FRMPD1: variants seen among roughly 807,000 people sequenced by gnomAD.
FRMPD1 encodes FERM and PDZ domain-containing protein 1.
In FRMPD1, 76 loss-of-function variants were observed where a neutral mutation model predicts 117.8. The observed-to-expected ratio is 0.65, with a 90% confidence interval of 0.54 to 0.78. The LOEUF (loss-of-function observed/expected upper bound fraction) is 0.78. Ranked by LOEUF, FRMPD1 falls within the 30% of genes least tolerant of loss-of-function variation. The probability of loss-of-function intolerance (pLI) is 0.00; values close to 1 mark genes in which losing one functional copy is unlikely to be tolerated. For missense variants in FRMPD1, 1,786 were observed against 1,964.5 expected (o/e 0.91, Z 1.72); for synonymous variants, 783 against 770.4 (o/e 1.02, Z -0.27).
chr9:37,737,305 G>A (rs1416523501), intron 14 of FRMPD1, 62 bp downstream of exon 14: 6 of 1,491,278 alleles, frequency 4.0e-6, no homozygotes, highest in African/African-American at 2.8e-5. Context: ...GTAGGTAAGG[G>A]CAGCCTAAAG....
chr9:37,703,904 A>G (rs1445981403), intron 2 of FRMPD1, among the ~76,000 whole-genome samples: 3 of 152,362 alleles, frequency 2.0e-5, no homozygotes, highest in Non-Finnish European at 4.4e-5. Flanking sequence ...CCATGTCATT[A>G]GTTGATGGAC....
chr9:37,701,357 C>T (rs1254871546), intron 2 of FRMPD1, among the ~76,000 whole-genome samples: 1 of 152,002 alleles, frequency 6.6e-6, no homozygotes, highest in African/African-American at 2.4e-5. Context: ...CCAGAGAGGA[C>T]AAGAGACTTT....
At position 37,719,001 on chromosome 9, in the gene FRMPD1, G is replaced by A. The variant is rs554335232; in HGVS notation, c.409-68G>A. On this transcript the variant is annotated intron_variant, in intron 5 of 15. Coordinates refer to ENST00000377765, the MANE Select transcript of FRMPD1 (RefSeq NM_014907.3). Reference sequence around the variant, plus strand: ...ATCAAAGTTTCTGTTTTTAAGAAATGAGAAGATAGATATACCTGGCTTTTA... The same window carrying A: ...ATCAAAGTTTCTGTTTTTAAGAAATAAGAAGATAGATATACCTGGCTTTTA... 56 of 906,646 alleles carry A rather than the reference G, an allele frequency of 6.2e-5. 1 individual carries two copies. The highest frequency in any genetic ancestry group is 4.9e-4 in the African/African-American group (30 of 61,530). The allele number at this position is 906,646 out of a possible 1,614,324, so 56.2% of individuals were successfully genotyped here.
chr9:37,732,237 C>G, intron 9 of FRMPD1, 67 bp from the exon 10 acceptor site: 1 of 1,553,830 alleles, frequency 6.4e-7, no homozygotes, highest in Admixed American at 1.7e-5. Context: ...TGCCTTTCAC[C>G]CGAGAGAACG....
the FRMPD1 span, among the ~76,000 whole-genome samples, chr9:37,610,829 C>A: frequency 6.6e-6 from 1 of 152,054 alleles, no homozygotes; most frequent in Non-Finnish European, 1.5e-5. Context: ...CTCGAACTCC[C>A]AACCTCAGGT....
At chr9:37,739,399 G>C (rs1824278494) in intron 14 of FRMPD1, among the ~76,000 whole-genome samples, 1 of 152,152 alleles carries the variant, frequency 6.6e-6, no homozygotes, top group South Asian at 2.1e-4. Flanking sequence ...GTTTGAGAAA[G>C]ATCACTCTGG....
At chr9:37,661,271 C>T (rs925020572) in intron 1 of FRMPD1, among the ~76,000 whole-genome samples, 8 of 152,010 alleles carry the variant, frequency 5.3e-5, no homozygotes, top group African/African-American at 1.9e-4. Flanking sequence ...GGGGAAGTAC[C>T]CAGGCCTTTG....
At position 37,708,492 on chromosome 9, in the gene FRMPD1, A is replaced by G. The variant is rs775391998; in HGVS notation, c.353A>G (p.Asp118Gly). The part of the protein sequence containing the change: ...AEDLSWERAV[D>G]ILREAEDSLS... Reference sequence around the variant, plus strand: ...GACCTTTCCTGGGAACGAGCAGTCGATATTCTCAGGTACTAAATGGTCTTC... The same window carrying G: ...GACCTTTCCTGGGAACGAGCAGTCGGTATTCTCAGGTACTAAATGGTCTTC... The change falls in exon 4 of 16, where the codon GAT becomes GGT. Residue 118 changes from aspartate (D) to glycine (G), a missense_variant. Physicochemically the swap from Asp to Gly is moderately conservative, Grantham distance 94. Transcript: ENST00000377765. 2.3e-5 allele frequency: 37 copies of G among 1,581,916 alleles called. No homozygotes were observed. The highest frequency in any genetic ancestry group is 3.2e-5 in the Non-Finnish European group (37 of 1,150,510).
chr9:37,650,653 G>A (rs1820638972), upstream of FRMPD1, among the ~76,000 whole-genome samples: 1 of 152,116 alleles, frequency 6.6e-6, no homozygotes, highest in Non-Finnish European at 1.5e-5. Context: ...GTGACCTTGG[G>A]GAGTCCCTTT....
intron 2 of FRMPD1, among the ~76,000 whole-genome samples, chr9:37,697,691 A>G (rs1253591074): frequency 2.0e-5 from 3 of 152,272 alleles, no homozygotes. Context: ...ACACAGTGAC[A>G]TTACATCATA....
chr9:37,715,628 A>C (rs1206961745), intron 5 of FRMPD1: 1 of 456,166 alleles, frequency 2.2e-6, no homozygotes, highest in Non-Finnish European at 4.4e-6. Flanking sequence ...TAGAATAATG[A>C]GTAGCTCATA....
chr9:37,667,691 GA>G lies in FRMPD1; in HGVS notation c.-5+16608del, dbSNP rs3075983. Among the ~76,000 whole-genome samples the G allele has an allele frequency of 1.1e-4, 16 of 144,758 alleles. No homozygotes were observed. The South Asian group carries it at 1.1e-3, about 10-fold the overall frequency. 95.0% of individuals were successfully genotyped at this position (144,758 alleles called of 152,430 possible). ...AGAGGGAGACTCTGTCTCAAAAAAA[GA>G]AAAAAAAAAAGAAGGTTACCCCTGT... On this transcript the variant is annotated intron_variant, in intron 1 of 15. Coordinates refer to ENST00000377765, the MANE Select transcript of FRMPD1 (RefSeq NM_014907.3).
At chr9:37,706,463 T>C (rs1822709474) in intron 2 of FRMPD1, among the ~76,000 whole-genome samples, 1 of 152,184 alleles carries the variant, frequency 6.6e-6, no homozygotes, top group African/African-American at 2.4e-5. Context: ...CTATTACTCC[T>C]TCACATTTCT....
intron 1 of FRMPD1, among the ~76,000 whole-genome samples, chr9:37,651,625 G>C (rs1288337620): frequency 6.6e-6 from 1 of 152,224 alleles, no homozygotes; most frequent in Admixed American, 6.5e-5. Context: ...GGGTCGCGTC[G>C]CTAACTTGCA....
chr9:37,650,426 GT>G (rs1290433284), upstream of FRMPD1, among the ~76,000 whole-genome samples: 1 of 152,262 alleles, frequency 6.6e-6, no homozygotes, highest in East Asian at 1.9e-4. Context: ...CGCGGAAGGA[GT>G]TTACAGAGAC....
chr9:37,690,502 G>A (rs1017859243), intron 1 of FRMPD1, among the ~76,000 whole-genome samples: 2 of 152,126 alleles, frequency 1.3e-5, no homozygotes, highest in Admixed American at 6.5e-5. Flanking sequence ...TTATTGATAA[G>A]TAAGAGTAAA....
chr9:37,682,806 T>C (rs1007173986), intron 1 of FRMPD1, among the ~76,000 whole-genome samples: 6 of 152,208 alleles, frequency 3.9e-5, no homozygotes, highest in African/African-American at 1.4e-4. Flanking sequence ...GGTTATTACT[T>C]ACTGTCAAGG....
At chr9:37,744,120 G>T (rs946559064) in intron 15 of FRMPD1, among the ~76,000 whole-genome samples, 1 of 151,922 alleles carries the variant, frequency 6.6e-6, no homozygotes, top group African/African-American at 2.4e-5. Context: ...AACCTGGGAG[G>T]CAGAGGTTGC....
In FRMPD1 at chr9:37,740,038, G is replaced by A. The variant is rs780145388; in HGVS notation, c.1550-40G>A. The A allele has an allele frequency of 7.1e-7, 1 of 1,411,090 alleles. No homozygotes were observed. The highest frequency in any genetic ancestry group is 1.3e-5 in the South Asian group (1 of 75,600). The allele number at this position is 1,411,090 out of a possible 1,614,324, so 87.4% of individuals were successfully genotyped here. Reference sequence around the variant, plus strand: ...GGGCTAGAAGGACACATAGGTAGGAGAATTCTGTTGTGTAACTGTTGCTGT... The same window carrying A: ...GGGCTAGAAGGACACATAGGTAGGAAAATTCTGTTGTGTAACTGTTGCTGT... On this transcript the variant is annotated intron_variant, in intron 14 of 15. Transcript: ENST00000377765. This position sits in a 1 kb window ranked among gnomAD's most constrained non-coding sequence, Gnocchi z 4.2.
Sources: allele counts gnomAD v4.1 joint callset (sites outside exome capture counted in the v4.1 genomes callset), GRCh38; gene constraint gnomAD v4.1.1; non-coding constraint Gnocchi (gnomAD v3.1); transcripts MANE v1.5; gene names NCBI Gene and HGNC (gene_info 2026-07-23, HGNC 2026-07-21).